SNN: variants seen among roughly 807,000 people sequenced by gnomAD.
SNN encodes the protein AG8_1.
SNN carries 5 observed loss-of-function variants against 5.3 expected under a neutral mutation model. The ratio of observed to expected loss-of-function variants is 0.94; its 90% CI spans 0.49 to 1.97. The LOEUF (loss-of-function observed/expected upper bound fraction) is 1.97. SNN is among the 30% of genes most tolerant of loss of function. SNN has a pLI of 0.01. For missense variants in SNN, 127 were observed against 121.6 expected (o/e 1.04, Z -0.21); for synonymous variants, 67 against 52.1 (o/e 1.29, Z -1.24).
At chr16:11,670,956 T>C (rs1431159352) in intron 1 of SNN, among the ~76,000 whole-genome samples, 1 of 152,070 alleles carries the variant, frequency 6.6e-6, no homozygotes, top group Admixed American at 6.5e-5. Flanking sequence ...GCTCCTTGGG[T>C]CCCAGTTACG....
In SNN at chr16:11,671,052, G is replaced by A. The variant is rs1047334872; in HGVS notation, c.-86+2512G>A. Among the ~76,000 whole-genome samples, 5 of 152,252 alleles carry A rather than the reference G, an allele frequency of 3.3e-5. No homozygotes were observed. The highest frequency in any genetic ancestry group is 7.2e-5 in the African/African-American group (3 of 41,454). On this transcript the variant is annotated intron_variant, in intron 1 of 1. Coordinates refer to ENST00000329565, the MANE Select transcript of SNN (RefSeq NM_003498.6). This position sits in a 1 kb window ranked among gnomAD's most constrained non-coding sequence, Gnocchi z 4.7. The stretch of plus-strand genomic sequence containing the variant: ...CTGCTGGGGAGGAGTGGCCAAGGGC[G>A]GTGCAGGCCCCCGCTCACCTGGCAT...
chr16:11,671,155 GCA>G lies in SNN; in HGVS notation c.-86+2616_-86+2617del, dbSNP rs1299086800. Among the ~76,000 whole-genome samples, 99 of 152,294 alleles carry G rather than the reference GCA, an allele frequency of 6.5e-4. No individual in the cohort carries two copies. Among genetic ancestry groups the G allele is most frequent in the Non-Finnish European group, 2.4e-4 (16 of 68,026 alleles). On this transcript the variant is annotated intron_variant, in intron 1 of 1. Transcript: ENST00000329565. The surrounding 1 kb of genome is among the most constrained non-coding windows in gnomAD (Gnocchi z 4.7). Reference sequence around the variant, plus strand: ...CGGGAGACAGAGTGTGTCCTGTGCTGCAGTTGACCTCCTTTGGGGTTGTTTGA... The same window carrying G: ...CGGGAGACAGAGTGTGTCCTGTGCTGGTTGACCTCCTTTGGGGTTGTTTGA...
rs2050275354 is a variant in SNN at position 11,672,927 on chromosome 16, T to G, written c.-85-3048T>G. On this transcript the variant is annotated intron_variant, in intron 1 of 1. Transcript: ENST00000329565. The surrounding 1 kb of genome is among the most constrained non-coding windows in gnomAD (Gnocchi z 6.0). ...TTGCCCCGCCTATCCCAGGTCCTGG[T>G]GCCATTGTTTGATTTTCTACTTCCT... Among the ~76,000 whole-genome samples the G allele has an allele frequency of 6.6e-6, 1 of 152,114 alleles. No individual in the cohort carries two copies. The highest frequency in any genetic ancestry group is 2.1e-4 in the South Asian group (1 of 4,828).
chr16:11,669,201 C>T (rs1217854658), intron 1 of SNN, among the ~76,000 whole-genome samples: 3 of 152,274 alleles, frequency 2.0e-5, no homozygotes, highest in South Asian at 2.1e-4. Flanking sequence ...CCGGCGCCGC[C>T]GGGCAGGGTG....
At position 11,677,497 on chromosome 16, in the gene SNN, C is replaced by A. The variant is rs8191335; in HGVS notation, c.*1171C>A. On this transcript the variant is annotated 3_prime_UTR_variant, in exon 2 of 2. Transcript: ENST00000329565. This position sits in a 1 kb window ranked among gnomAD's most constrained non-coding sequence, Gnocchi z 4.2. Reference sequence around the variant, plus strand: ...GAACATTTCTCACGTGCACATTCCCCTAAGAGCCACCAGACTGCTTCCTGC... The same window carrying A: ...GAACATTTCTCACGTGCACATTCCCATAAGAGCCACCAGACTGCTTCCTGC... 80,465 of 166,750 alleles carry A rather than the reference C, an allele frequency of 0.48. 20,325 individuals are homozygous for A. The highest frequency in any genetic ancestry group is 0.59 in the Middle Eastern group (176 of 296). 10.3% of individuals were successfully genotyped at this position (166,750 alleles called of 1,614,324 possible).
chr16:11,671,427 A>G lies in SNN; in HGVS notation c.-86+2887A>G, dbSNP rs550503503. On this transcript the variant is annotated intron_variant, in intron 1 of 1. Transcript: ENST00000329565. This position sits in a 1 kb window ranked among gnomAD's most constrained non-coding sequence, Gnocchi z 4.7. ...GTGCTCTGGGTCCTGGCCCCTCTGC[A>G]CTTGGAAGACCCCTTGGCTCTGCTG... Among the ~76,000 whole-genome samples the G allele has an allele frequency of 3.9e-5, 6 of 152,224 alleles. No individual in the cohort carries two copies. Among genetic ancestry groups the G allele is most frequent in the Admixed American group, 1.3e-4 (2 of 15,296 alleles).
chr16:11,676,373 G>A lies in SNN; in HGVS notation c.*47G>A, dbSNP rs778404226. The A allele has an allele frequency of 7.6e-6, 12 of 1,580,184 alleles. No homozygotes were observed. Among genetic ancestry groups the A allele is most frequent in the East Asian group, 2.3e-5 (1 of 43,810 alleles). ...TCCTGTTTGCAGCCGGCCAAGAGGCGCTGGGAGGGGCAAAACCATACGGAT... is the reference window on the plus strand; with the variant it reads ...TCCTGTTTGCAGCCGGCCAAGAGGCACTGGGAGGGGCAAAACCATACGGAT... On this transcript the variant is annotated 3_prime_UTR_variant, in exon 2 of 2. Coordinates refer to ENST00000329565, the MANE Select transcript of SNN (RefSeq NM_003498.6).
chr16:11,678,781 C>T lies in SNN; in HGVS notation c.*2455C>T. ...CTACTTTTTTTAGCAGACACCAGAG[C>T]CACACTCAAATGGCTAAGTAGGTTA... is the stretch of plus-strand genomic sequence containing the variant. On this transcript the variant is annotated 3_prime_UTR_variant, in exon 2 of 2. Coordinates refer to ENST00000329565, the MANE Select transcript of SNN (RefSeq NM_003498.6). 1 of 193,352 alleles carries T rather than the reference C, an allele frequency of 5.2e-6. No individual in the cohort carries two copies. Among genetic ancestry groups the T allele is most frequent in the Non-Finnish European group, 1.2e-5 (1 of 84,346 alleles). 12.0% of individuals were successfully genotyped at this position (193,352 alleles called of 1,614,324 possible).
chr16:11,675,036 G>T (rs1201002318), intron 1 of SNN, among the ~76,000 whole-genome samples: 8 of 152,078 alleles, frequency 5.3e-5, no homozygotes, highest in African/African-American at 1.4e-4. Context: ...TCCTTGGTTG[G>T]CCTCCGTCCA....
Position 11,671,129 on chromosome 16 carries a change from C to A in SNN, c.-86+2589C>A, listed in dbSNP as rs919058351. Among the ~76,000 whole-genome samples, 1 of 152,174 alleles carries A rather than the reference C, an allele frequency of 6.6e-6. No homozygotes were observed. The highest frequency in any genetic ancestry group is 2.4e-5 in the African/African-American group (1 of 41,450). ...TTCCTTGGGACATGTGTGGGCTCTG[C>A]CGGGAGACAGAGTGTGTCCTGTGCT... is the stretch of plus-strand genomic sequence containing the variant. On this transcript the variant is annotated intron_variant, in intron 1 of 1. Transcript: ENST00000329565. This position sits in a 1 kb window ranked among gnomAD's most constrained non-coding sequence, Gnocchi z 4.7.
chr16:11,677,954 C>T lies in SNN; in HGVS notation c.*1628C>T, dbSNP rs2050320955. On this transcript the variant is annotated 3_prime_UTR_variant, in exon 2 of 2. Transcript: ENST00000329565. The surrounding 1 kb of genome is among the most constrained non-coding windows in gnomAD (Gnocchi z 4.2). ...AGTAGGGAGCTGTTCGTTTAAGCAG[C>T]ATACACCTAAATTGGGGGTTTAAAC... The T allele has an allele frequency of 6.0e-6, 1 of 167,130 alleles. No individual in the cohort carries two copies. The highest frequency in any genetic ancestry group is 2.1e-4 in the South Asian group (1 of 4,826). 10.4% of individuals were successfully genotyped at this position (167,130 alleles called of 1,614,324 possible).
rs764738055 is a variant in SNN at position 11,676,142 on chromosome 16, T to C, written c.83T>C (p.Leu28Ser). ...ATTGCCATCGCGGCCCTGGGGGCCT[T>C]GATCCTGGGCTGCTGGTGCTACCTG... is the stretch of plus-strand genomic sequence containing the variant. ...ILIAIAALGA[L>S]ILGCWCYLRL... The change falls in exon 2 of 2, where the codon TTG becomes TCG. Residue 28 changes from leucine to serine, a missense_variant. Coordinates refer to ENST00000329565, the MANE Select transcript of SNN (RefSeq NM_003498.6). 2 of 1,614,084 alleles carry C rather than the reference T, an allele frequency of 1.2e-6. No individual in the cohort carries two copies. The highest frequency in any genetic ancestry group is 2.2e-5 in the East Asian group (1 of 44,890).
At position 11,671,894 on chromosome 16, in the gene SNN, C is replaced by T. The variant is rs1314461877; in HGVS notation, c.-86+3354C>T. Among the ~76,000 whole-genome samples the T allele has an allele frequency of 6.6e-6, 1 of 152,198 alleles. No individual in the cohort carries two copies. Among genetic ancestry groups the T allele is most frequent in the African/African-American group, 2.4e-5 (1 of 41,454 alleles). ...ACCCCCTTCCCTCCCTGCCTGCCAG[C>T]AAGCATGGAGCCAGCTGCCCTTCCA... is the stretch of plus-strand genomic sequence containing the variant. On this transcript the variant is annotated intron_variant, in intron 1 of 1. Coordinates refer to ENST00000329565, the MANE Select transcript of SNN (RefSeq NM_003498.6). The surrounding 1 kb of genome is among the most constrained non-coding windows in gnomAD (Gnocchi z 4.7).
At chr16:11,674,226 C>T (rs570406827) in intron 1 of SNN, among the ~76,000 whole-genome samples, 19 of 152,344 alleles carry the variant, frequency 1.2e-4, no homozygotes, top group South Asian at 4.1e-4. Flanking sequence ...GTTCTGAGTG[C>T]CGACCGCACG....
At position 11,676,564 on chromosome 16, in the gene SNN, C is replaced by T; in HGVS notation, c.*238C>T. 3.6e-6 allele frequency: 2 copies of T among 558,712 alleles called. No homozygotes were observed. Among genetic ancestry groups the T allele is most frequent in the South Asian group, 2.6e-5 (1 of 38,216 alleles). 34.6% of individuals were successfully genotyped at this position (558,712 alleles called of 1,614,324 possible). Reference sequence around the variant, plus strand: ...GGGCAGGCCTGACCTTGCTGGGGCTCATGGCCCTGTAGCGCTTTTGTTACT... The same window carrying T: ...GGGCAGGCCTGACCTTGCTGGGGCTTATGGCCCTGTAGCGCTTTTGTTACT... On this transcript the variant is annotated 3_prime_UTR_variant, in exon 2 of 2. Coordinates refer to ENST00000329565, the MANE Select transcript of SNN (RefSeq NM_003498.6).
chr16:11,675,258 C>CTTTTTTTT (rs769141223), intron 1 of SNN, among the ~76,000 whole-genome samples: 12 of 125,310 alleles, frequency 9.6e-5, no homozygotes, highest in South Asian at 2.6e-4. Flanking sequence ...TTTTTTTTTT[C>CTTTTTTTT]TTTTTTTTTT....
chr16:11,674,271 C>G (rs1161615686), intron 1 of SNN, among the ~76,000 whole-genome samples: 1 of 152,082 alleles, frequency 6.6e-6, no homozygotes, highest in East Asian at 1.9e-4. Flanking sequence ...CGGGCCTGTC[C>G]TCATCCTCAC....
In SNN at chr16:11,668,981, G is replaced by T. The variant is rs2050247013; in HGVS notation, c.-86+441G>T. Among the ~76,000 whole-genome samples, 1 of 152,118 alleles carries T rather than the reference G, an allele frequency of 6.6e-6. No homozygotes were observed. The highest frequency in any genetic ancestry group is 1.5e-5 in the Non-Finnish European group (1 of 67,992). The stretch of plus-strand genomic sequence containing the variant: ...TCTCGCGGGTAGGGAAACTGAGGCC[G>T]GGCCGCAGCGTTCGGCGCCCGGTTC... On this transcript the variant is annotated intron_variant, in intron 1 of 1. Transcript: ENST00000329565. The surrounding 1 kb of genome is among the most constrained non-coding windows in gnomAD (Gnocchi z 6.8).
Position 11,668,536 on chromosome 16 carries a change from C to T in SNN, c.-90C>T, listed in dbSNP as rs2050243620. ...GCGATCGGGCCGGGCCGCTGCCGCGCCATGGTGAGCCGGGCGGGGCAGGCC... is the reference window on the plus strand; with the variant it reads ...GCGATCGGGCCGGGCCGCTGCCGCGTCATGGTGAGCCGGGCGGGGCAGGCC... On this transcript the variant is annotated 5_prime_UTR_variant, in exon 1 of 2. Coordinates refer to ENST00000329565, the MANE Select transcript of SNN (RefSeq NM_003498.6). The surrounding 1 kb of genome is among the most constrained non-coding windows in gnomAD (Gnocchi z 6.8). 6.9e-6 allele frequency: 1 copy of T among 144,350 alleles called. No individual in the cohort carries two copies. The highest frequency in any genetic ancestry group is 2.5e-5 in the African/African-American group (1 of 40,224). 8.9% of individuals were successfully genotyped at this position (144,350 alleles called of 1,614,324 possible). A position where few individuals can be genotyped will look rare whatever the true frequency, so the allele number is the denominator to read the frequency against.
Sources: gnomAD v4.1 joint callset for allele counts (sites outside exome capture counted in the v4.1 genomes callset) on GRCh38, gnomAD v4.1.1 for gene constraint, Gnocchi (gnomAD v3.1) non-coding constraint, MANE v1.5 for transcripts, NCBI Gene and HGNC (gene_info 2026-07-23, HGNC 2026-07-21) for gene names.